LRRC7: variants seen among roughly 807,000 people sequenced by gnomAD.
The protein encoded by LRRC7 is leucine rich repeat containing 7.
LRRC7 carries 23 observed loss-of-function variants against 175.7 expected under a neutral mutation model. The observed-to-expected ratio is 0.13, with a 90% confidence interval of 0.09 to 0.19. The LOEUF is 0.19. LRRC7 is among the 10% of genes least tolerant of loss of function. The pLI, the probability that LRRC7 is intolerant of heterozygous loss-of-function variation, is 1.00. For missense variants in LRRC7, 1,354 were observed against 1,904.7 expected, an observed-to-expected ratio of 0.71 and a Z score of 5.38; for synonymous variants, 685 against 680.9, an observed-to-expected ratio of 1.01 and a Z score of -0.09.
intron 7 of LRRC7, among the ~76,000 whole-genome samples, chr1:69,906,402 G>T (rs1407549953): frequency 1.3e-5 from 2 of 152,074 alleles, no homozygotes; most frequent in African/African-American, 4.8e-5. Context: ...CGTCTAACAT[G>T]TAAGTCTTCA....
intron 24 of LRRC7, among the ~76,000 whole-genome samples, chr1:70,082,446 AT>A (rs1296013540): frequency 1.3e-5 from 2 of 152,196 alleles, no homozygotes; most frequent in African/African-American, 4.8e-5. Context: ...TGAATTTGTA[AT>A]TCATAGTTTG....
At chr1:69,678,560 A>G (rs1244444666) in intron 2 of LRRC7, 82 bp downstream of exon 2, 3 of 914,506 alleles carry the variant, frequency 3.3e-6, no homozygotes, top group African/African-American at 1.6e-5. Flanking sequence ...TGACCTTTAA[A>G]TGGTTAGTCA....
rs543078990 is a variant in LRRC7 at position 69,747,155 on chromosome 1, A to G, written c.101-13036A>G. Among the ~76,000 whole-genome samples, 3 of 152,284 alleles carry G rather than the reference A, an allele frequency of 2.0e-5. No individual in the cohort carries two copies. In the East Asian group the frequency reaches 5.8e-4, roughly 29 times the overall value. ...CCTTTCCAAATAAGGTCACACTCTG[A>G]GGTAGTGACGTTTAGGACTCAAAAA... On this transcript the variant is annotated intron_variant, in intron 2 of 26. Coordinates refer to ENST00000651989, the MANE Select transcript of LRRC7 (RefSeq NM_001370785.2).
chr1:69,618,302 A>C (rs1381132705), intron 1 of LRRC7, among the ~76,000 whole-genome samples: 2 of 152,128 alleles, frequency 1.3e-5, no homozygotes, highest in African/African-American at 4.8e-5. Flanking sequence ...AGAGTTATAT[A>C]AATACCAAAG....
intron 4 of LRRC7, among the ~76,000 whole-genome samples, chr1:69,804,886 A>G (rs547965645): frequency 7.2e-5 from 11 of 151,884 alleles, no homozygotes; most frequent in African/African-American, 2.6e-4. Flanking sequence ...ATGATAAAGC[A>G]CCATAATGAA....
At chr1:69,887,543 C>G (rs1430657298) in intron 7 of LRRC7, among the ~76,000 whole-genome samples, 1 of 151,442 alleles carries the variant, frequency 6.6e-6, no homozygotes, top group Non-Finnish European at 1.5e-5. Flanking sequence ...AAGTTTTCAA[C>G]TTCTTTGCCT....
intron 24 of LRRC7, among the ~76,000 whole-genome samples, chr1:70,079,242 GCA>G (rs1663037205): frequency 6.6e-6 from 1 of 152,124 alleles, no homozygotes; most frequent in Non-Finnish European, 1.5e-5. Flanking sequence ...AGTGCAAAGA[GCA>G]GTGAGGTAAC....
intron 25 of LRRC7, among the ~76,000 whole-genome samples, chr1:70,095,972 T>C (rs143199837): frequency 2.0e-5 from 3 of 150,066 alleles, no homozygotes; most frequent in Admixed American, 6.6e-5. Context: ...GTTTTTTTTG[T>C]TTTTTTTTGT....
chr1:69,959,767 G>A (rs181260911), intron 8 of LRRC7, among the ~76,000 whole-genome samples: 4 of 152,108 alleles, frequency 2.6e-5, no homozygotes, highest in Admixed American at 2.0e-4. Context: ...CCCAATCAGG[G>A]ATCAGGTGAA....
chr1:70,071,105 T>C (rs2102114960), intron 23 of LRRC7, among the ~76,000 whole-genome samples: 1 of 152,254 alleles, frequency 6.6e-6, no homozygotes, highest in African/African-American at 2.4e-5. Context: ...TCAGCTGTAG[T>C]GGAGGAGTTA....
intron 2 of LRRC7, among the ~76,000 whole-genome samples, chr1:69,730,191 G>A (rs1667416272): frequency 6.6e-6 from 1 of 152,210 alleles, no homozygotes; most frequent in Non-Finnish European, 1.5e-5. Context: ...GGGCTGCCAT[G>A]AGGGTCTCTG....
intron 8 of LRRC7, 75 bp downstream of exon 8, chr1:69,931,645 A>G: frequency 8.1e-7 from 1 of 1,235,950 alleles, no homozygotes; most frequent in Non-Finnish European, 1.2e-6. Context: ...TTTGTAAACC[A>G]AGGTATTAAC....
intron 2 of LRRC7, among the ~76,000 whole-genome samples, chr1:69,686,240 A>G (rs960573800): frequency 2.6e-5 from 4 of 152,172 alleles, no homozygotes; most frequent in Admixed American, 6.5e-5. Flanking sequence ...ACCTTCCCCA[A>G]CACAATGGCT....
chr1:70,068,561 T>TG (rs1662145969), intron 23 of LRRC7, among the ~76,000 whole-genome samples: 1 of 152,040 alleles, frequency 6.6e-6, no homozygotes, highest in African/African-American at 2.4e-5. Flanking sequence ...TTATAGTGGT[T>TG]TTTTTCTTCC....
intron 2 of LRRC7, among the ~76,000 whole-genome samples, chr1:69,717,560 C>A (rs1046691335): frequency 6.6e-6 from 1 of 151,378 alleles, no homozygotes; most frequent in Admixed American, 6.6e-5. Context: ...TCTTAGATTG[C>A]CATAAAGTGG....
chr1:69,624,584 T>C (rs1392591867), intron 1 of LRRC7, among the ~76,000 whole-genome samples: 1 of 152,102 alleles, frequency 6.6e-6, no homozygotes, highest in Non-Finnish European at 1.5e-5. Context: ...TATTTAGATA[T>C]CCAAAGGCAT....
intron 4 of LRRC7, among the ~76,000 whole-genome samples, chr1:69,795,993 G>A (rs1675710037): frequency 1.3e-5 from 2 of 150,690 alleles, no homozygotes; most frequent in African/African-American, 2.4e-5. Flanking sequence ...AAGTTTTAGG[G>A]TACATGTGCA....
At chr1:69,938,039 A>G (rs1335016781) in intron 8 of LRRC7, among the ~76,000 whole-genome samples, 1 of 152,020 alleles carries the variant, frequency 6.6e-6, no homozygotes, top group Non-Finnish European at 1.5e-5. Flanking sequence ...AAAGAACAAA[A>G]TATGATTTTA....
intron 7 of LRRC7, among the ~76,000 whole-genome samples, chr1:69,912,617 A>C (rs921452732): frequency 6.6e-6 from 1 of 152,278 alleles, no homozygotes; most frequent in South Asian, 2.1e-4. Context: ...AGAGCTCAAA[A>C]GTTCTATCAA....
Sources: allele counts gnomAD v4.1 joint callset (sites outside exome capture counted in the v4.1 genomes callset), GRCh38; gene constraint gnomAD v4.1.1; transcripts MANE v1.5; gene names NCBI Gene and HGNC (gene_info 2026-07-23, HGNC 2026-07-21).